The following SLC13A4 variants were observed in gnomAD, a reference collection of about 807,000 sequenced individuals.
SLC13A4 encodes the protein solute carrier family 13 member 4.
SLC13A4 carries 28 observed loss-of-function variants against 72.7 expected under a neutral mutation model. The ratio of observed to expected loss-of-function variants is 0.39; its 90% CI spans 0.29 to 0.53. The LOEUF is 0.53. Among genes scored for constraint, SLC13A4 ranks in the 20% least tolerant of loss-of-function variants. The probability of loss-of-function intolerance (pLI) is 0.78; values close to 1 mark genes in which losing one functional copy is unlikely to be tolerated. For synonymous variants in SLC13A4, 312 were observed against 325.5 expected (o/e 0.96, Z 0.45); for missense variants, 653 against 788.0 (o/e 0.83, Z 2.05).
chr7:135,684,618 C>T (rs1244095490), intron 14 of SLC13A4, among the ~76,000 whole-genome samples: 2 of 148,868 alleles, frequency 1.3e-5, no homozygotes, highest in Non-Finnish European at 3.0e-5. Context: ...GTGGGGATTC[C>T]TCAGTCTTAG....
intron 2 of SLC13A4, among the ~76,000 whole-genome samples, chr7:135,715,640 A>G (rs1796418238): frequency 1.3e-5 from 2 of 152,324 alleles, no homozygotes; most frequent in African/African-American, 2.4e-5. Context: ...CCAATCCCCA[A>G]TATCCAACCC....
chr7:135,683,914 G>C, intron 15 of SLC13A4: 1 of 624,936 alleles, frequency 1.6e-6, no homozygotes, highest in Non-Finnish European at 2.0e-6. Flanking sequence ...TCCTTCCAGG[G>C]AAGGGTTGGG....
intron 7 of SLC13A4, among the ~76,000 whole-genome samples, chr7:135,700,732 C>A (rs1344916063): frequency 6.6e-6 from 1 of 152,134 alleles, no homozygotes; most frequent in African/African-American, 2.4e-5. Context: ...GCAGCCCTGA[C>A]CTCCTGGGCT....
rs534836540 is a variant in SLC13A4, at chr7:135,683,583, A to C, written c.1746+541T>G. 3.0e-6 allele frequency: 3 copies of C among 985,174 alleles called. No homozygotes were observed. The African/African-American group carries it at 5.2e-5, about 17-fold the overall frequency. 61.0% of individuals were successfully genotyped at this position (985,174 alleles called of 1,614,324 possible). The stretch of plus-strand genomic sequence containing the variant: ...CTAAAGTCAGCAGCAAAATATCTCA[A>C]AGCCATCTTTTGTGAGCCCAGCTGA... On this transcript the variant is annotated intron_variant, in intron 15 of 15. Transcript: ENST00000682651.
At chr7:135,711,205 G>A (rs1457303026) in intron 2 of SLC13A4, among the ~76,000 whole-genome samples, 2 of 152,150 alleles carry the variant, frequency 1.3e-5, no homozygotes, top group South Asian at 2.1e-4. Context: ...GACCGTTGTG[G>A]GAGATGGTCT....
intron 14 of SLC13A4, among the ~76,000 whole-genome samples, chr7:135,684,557 A>G (rs1380034396): frequency 6.6e-6 from 1 of 151,520 alleles, no homozygotes; most frequent in Non-Finnish European, 1.5e-5. Context: ...TCTTTAGCTG[A>G]GACTTCCTTT....
At chr7:135,715,597 C>G (rs1796417684) in intron 2 of SLC13A4, among the ~76,000 whole-genome samples, 1 of 152,124 alleles carries the variant, frequency 6.6e-6, no homozygotes, top group Non-Finnish European at 1.5e-5. Flanking sequence ...GAAGTACACC[C>G]TAACCCTGGG....
In SLC13A4 at chr7:135,708,127, C is replaced by G; in HGVS notation, c.352G>C (p.Ala118Pro). The G allele has an allele frequency of 6.2e-7, 1 of 1,613,402 alleles. No individual in the cohort carries two copies. Among genetic ancestry groups the G allele is most frequent in the East Asian group, 2.2e-5 (1 of 44,860 alleles). The part of the protein sequence containing the change: ...IALRMVLMAG[A>P]KPGMLLLCFM... ...AATAAGACTTACATGCCCGGCTTGG[C>G]TCCGGCCATCAAGACCATGCGCAGA... Residue 118 changes from alanine (A) to proline (P), a missense_variant, in exon 3 of 16, where the codon GCC becomes CCC. Ala to Pro is a conservative substitution (Grantham distance 27). Coordinates refer to ENST00000682651, the MANE Select transcript of SLC13A4 (RefSeq NM_001318192.2).
At chr7:135,700,161 C>T (rs1046714323) in intron 7 of SLC13A4, among the ~76,000 whole-genome samples, 7 of 152,182 alleles carry the variant, frequency 4.6e-5, no homozygotes, top group Non-Finnish European at 7.3e-5. Context: ...CCTTCCCTTC[C>T]TCATTCTTTT....
intron 14 of SLC13A4, 77 bp downstream of exon 14, chr7:135,685,445 G>T: frequency 7.6e-7 from 1 of 1,322,494 alleles, no homozygotes; most frequent in Non-Finnish European, 1.1e-6. Context: ...AGCTACGGAA[G>T]CTGCCCTGAG....
rs940725584 is a variant in SLC13A4 at position 135,683,507 on chromosome 7, G to C, written c.1746+617C>G. On this transcript the variant is annotated intron_variant, in intron 15 of 15. Transcript: ENST00000682651. The stretch of plus-strand genomic sequence containing the variant: ...CCCCCCGCTCAGCCCTGGATACTAA[G>C]TATAGCAGCAGGTGTATAGGTAGAG... 5 of 984,736 alleles carry C rather than the reference G, an allele frequency of 5.1e-6. No homozygotes were observed. In the African/African-American group the frequency reaches 8.8e-5, roughly 17 times the overall value. The allele number at this position is 984,736 out of a possible 1,614,324, so 61.0% of individuals were successfully genotyped here. A position where few individuals can be genotyped will look rare whatever the true frequency, so the allele number is the denominator to read the frequency against.
chr7:135,702,975 A>T, intron 5 of SLC13A4, 91 bp from the exon 6 acceptor site: 1 of 893,468 alleles, frequency 1.1e-6, no homozygotes. Context: ...GGTGTAAGGG[A>T]CTTAAACTCT....
In SLC13A4 at chr7:135,689,685, A is replaced by G. The variant is rs144705719; in HGVS notation, c.1446+1516T>C. Among the ~76,000 whole-genome samples the G allele has an allele frequency of 3.4e-3, 513 of 152,216 alleles. 11 individuals are homozygous for G. The East Asian group carries it at 0.039, about 12-fold the overall frequency. ...ACAGTGGACAGACAACATGCAGAAG[A>G]CCTGAGCTGAAAATAAGGAACAATT... On this transcript the variant is annotated intron_variant, in intron 13 of 15. Coordinates refer to ENST00000682651, the MANE Select transcript of SLC13A4 (RefSeq NM_001318192.2).
chr7:135,687,615 A>G (rs1485258762), intron 13 of SLC13A4, among the ~76,000 whole-genome samples: 1 of 152,166 alleles, frequency 6.6e-6, no homozygotes, highest in Non-Finnish European at 1.5e-5. Flanking sequence ...TGCAGACTGC[A>G]TCAATTAATG....
chr7:135,718,263 C>T (rs1339825014), intron 2 of SLC13A4, among the ~76,000 whole-genome samples: 4 of 151,910 alleles, frequency 2.6e-5, no homozygotes, highest in Non-Finnish European at 5.9e-5. Flanking sequence ...CCATGTTGCA[C>T]CTGGTAGATG....
Position 135,702,667 on chromosome 7 carries a change from C to T in SLC13A4, c.633+178G>A, listed in dbSNP as rs766807582. The T allele has an allele frequency of 3.2e-4, 198 of 620,322 alleles. 2 individuals carry two copies. Among genetic ancestry groups the T allele is most frequent in the South Asian group, 5.0e-4 (27 of 54,466 alleles). 38.4% of individuals were successfully genotyped at this position (620,322 alleles called of 1,614,324 possible). A position where few individuals can be genotyped will look rare whatever the true frequency, so the allele number is the denominator to read the frequency against. On this transcript the variant is annotated intron_variant, in intron 6 of 15. Coordinates refer to ENST00000682651, the MANE Select transcript of SLC13A4 (RefSeq NM_001318192.2). ...CTGGGAGTACAGGCATGAGCCACCA[C>T]GCCCAGCCAATGTGTCCTTTTTAAT...
In SLC13A4 at chr7:135,716,689, A is replaced by G. The variant is rs553450741; in HGVS notation, c.228+4706T>C. ...AGAGCTCAAGTTCTGGAATCATACA[A>G]TCTTGGATTCAAGTCCCAGCTCCAC... is the stretch of plus-strand genomic sequence containing the variant. On this transcript the variant is annotated intron_variant, in intron 2 of 15. Coordinates refer to ENST00000682651, the MANE Select transcript of SLC13A4 (RefSeq NM_001318192.2). Among the ~76,000 whole-genome samples the G allele has an allele frequency of 3.3e-5, 5 of 152,302 alleles. No homozygotes were observed. In the South Asian group the frequency reaches 6.2e-4, roughly 19 times the overall value.
rs1795494912 is a variant in SLC13A4 at position 135,681,360 on chromosome 7, C to CT, written c.*202dup. 2.0e-6 allele frequency: 1 copy of CT among 509,026 alleles called. No homozygotes were observed. Among genetic ancestry groups the CT allele is most frequent in the Non-Finnish European group, 3.3e-6 (1 of 299,098 alleles). 31.5% of individuals were successfully genotyped at this position (509,026 alleles called of 1,614,324 possible). On this transcript the variant is annotated 3_prime_UTR_variant, in exon 16 of 16. Coordinates refer to ENST00000682651, the MANE Select transcript of SLC13A4 (RefSeq NM_001318192.2). ...TGGTGCTGAGGGCAGGAAGAAGACACTAACAGCGAAGCATGTGTTTGTGGT... is the reference window on the plus strand; with the variant it reads ...TGGTGCTGAGGGCAGGAAGAAGACACTTAACAGCGAAGCATGTGTTTGTGGT...
chr7:135,719,805 G>GTGTGTGTGTGTGTGTA lies in SLC13A4; in HGVS notation c.228+1589_228+1590insTACACACACACACACA, dbSNP rs1273924833. Among the ~76,000 whole-genome samples the GTGTGTGTGTGTGTGTA allele has an allele frequency of 6.9e-3, 755 of 108,968 alleles. 6 individuals carry two copies. Among genetic ancestry groups the GTGTGTGTGTGTGTGTA allele is most frequent in the South Asian group, 0.049 (175 of 3,562 alleles). The allele number at this position is 108,968 out of a possible 152,430, so 71.5% of individuals were successfully genotyped here. ...CATGTGTGTGTGTGTGTGTGTGTAT[G>GTGTGTGTGTGTGTGTA]TGTGTGTGTGTGTGTGTGTGTGTAT... On this transcript the variant is annotated intron_variant, in intron 2 of 15. Coordinates refer to ENST00000682651, the MANE Select transcript of SLC13A4 (RefSeq NM_001318192.2).
Sources: gnomAD v4.1 joint callset for allele counts (sites outside exome capture counted in the v4.1 genomes callset) on GRCh38, gnomAD v4.1.1 for gene constraint, MANE v1.5 for transcripts, NCBI Gene and HGNC (gene_info 2026-07-23, HGNC 2026-07-21) for gene names.